Variants in NECTIN1 observed in about 807,000 individuals in gnomAD.
NECTIN1 encodes the protein nectin cell adhesion molecule 1, also known as nectin-1.
In NECTIN1, 23 loss-of-function variants were observed where a neutral mutation model predicts 48.0. That is an observed-to-expected ratio of 0.48 (90% CI 0.34 to 0.68). The LOEUF (loss-of-function observed/expected upper bound fraction) is 0.68, where lower values mean the gene tolerates loss of function less well. NECTIN1 is among the 30% of genes least tolerant of loss of function. The probability of loss-of-function intolerance (pLI) is 0.01; values close to 1 mark genes in which losing one functional copy is unlikely to be tolerated. For synonymous variants in NECTIN1, 270 were observed against 288.9 expected (o/e 0.93, Z 0.66); for missense variants, 591 against 709.9 (o/e 0.83, Z 1.90).
downstream of NECTIN1, among the ~76,000 whole-genome samples, chr11:119,656,067 T>TC (rs997120234): frequency 5.9e-5 from 9 of 151,520 alleles, no homozygotes; most frequent in African/African-American, 2.2e-4. Flanking sequence ...GATAATTTTT[T>TC]CATTCTTTGT....
chr11:119,669,976 T>TTC (rs1186899474), intron 5 of NECTIN1, among the ~76,000 whole-genome samples: 2 of 152,022 alleles, frequency 1.3e-5, no homozygotes, highest in African/African-American at 4.8e-5. Context: ...TTTTTTTTTT[T>TTC]TGAGACGGAG....
rs144913704 is a variant in NECTIN1, at chr11:119,638,779, C to T, written c.1179G>A (p.Pro393=). Residue 393 remains proline, a synonymous_variant, in exon 7 of 8, where the codon CCG becomes CCA. Transcript: ENST00000341398. ...AGCTTTGCCTGCTGGGAGAAGGCTC[C>T]GGCTTCTGGGAGAGGGGCTGGTCGG... 1.5e-3 allele frequency: 2,489 copies of T among 1,613,966 alleles called. 3 individuals are homozygous for T. The highest frequency in any genetic ancestry group is 1.4e-3 in the Non-Finnish European group (1,709 of 1,179,968).
chr11:119,677,936 C>A lies in NECTIN1; in HGVS notation c.431-79G>T. 1 of 1,441,952 alleles carries A rather than the reference C, an allele frequency of 6.9e-7. No individual in the cohort carries two copies. Among genetic ancestry groups the A allele is most frequent in the South Asian group, 1.2e-5 (1 of 85,558 alleles). The allele number at this position is 1,441,952 out of a possible 1,614,324, so 89.3% of individuals were successfully genotyped here. A position where few individuals can be genotyped will look rare whatever the true frequency, so the allele number is the denominator to read the frequency against. On this transcript the variant is annotated intron_variant, in intron 2 of 5. Transcript: ENST00000264025. The surrounding 1 kb of genome is among the most constrained non-coding windows in gnomAD (Gnocchi z 5.4). Reference sequence around the variant, plus strand: ...GCACCGGCCAAAAGGGCGTGGCATCCGTCAGGCCTTGTCTTCAGGTCCCCT... The same window carrying A: ...GCACCGGCCAAAAGGGCGTGGCATCAGTCAGGCCTTGTCTTCAGGTCCCCT...
chr11:119,702,449 A>C (rs1465674427), intron 1 of NECTIN1, among the ~76,000 whole-genome samples: 1 of 152,244 alleles, frequency 6.6e-6, no homozygotes, highest in Non-Finnish European at 1.5e-5. Context: ...GCTGTGGCTG[A>C]GGCCATCTGT....
At position 119,683,204 on chromosome 11, in the gene NECTIN1, A is replaced by G. The variant is rs539949380; in HGVS notation, c.80-4439T>C. On this transcript the variant is annotated intron_variant, in intron 1 of 5. Coordinates refer to ENST00000264025, the MANE Select transcript of NECTIN1 (RefSeq NM_002855.5). This position sits in a 1 kb window ranked among gnomAD's most constrained non-coding sequence, Gnocchi z 4.0. ...TTTCCCGCAGGTTCCCTCTTACATG[A>G]GAAGCAGAGGCTGGCCCAGATGTGG... 4.3e-4 allele frequency among the ~76,000 whole-genome samples: 65 copies of G among 152,320 alleles called. No homozygotes were observed. Among genetic ancestry groups the G allele is most frequent in the African/African-American group, 1.5e-3 (63 of 41,568 alleles).
In NECTIN1 at chr11:119,677,341, T is replaced by A; in HGVS notation, c.734-122A>T. 1 of 1,030,122 alleles carries A rather than the reference T, an allele frequency of 9.7e-7. No individual in the cohort carries two copies. Among genetic ancestry groups the A allele is most frequent in the Admixed American group, 1.7e-5 (1 of 57,180 alleles). 63.8% of individuals were successfully genotyped at this position (1,030,122 alleles called of 1,614,324 possible). A position where few individuals can be genotyped will look rare whatever the true frequency, so the allele number is the denominator to read the frequency against. ...TGGAAACAGCCAGGAGAGAGGGAAG[T>A]GTGGGTGGGAGGGTGGCAATCACAG... On this transcript the variant is annotated intron_variant, in intron 3 of 5. Coordinates refer to ENST00000264025, the MANE Select transcript of NECTIN1 (RefSeq NM_002855.5). The surrounding 1 kb of genome is among the most constrained non-coding windows in gnomAD (Gnocchi z 5.4).
intron 1 of NECTIN1, among the ~76,000 whole-genome samples, chr11:119,721,324 A>C (rs2134345410): frequency 6.6e-6 from 1 of 152,282 alleles, no homozygotes; most frequent in East Asian, 1.9e-4. Flanking sequence ...TTGGGAAGCA[A>C]GAATTCCAGG....
At chr11:119,648,243 G>A (rs193287131) in intron 5 of NECTIN1, among the ~76,000 whole-genome samples, 3 of 111,892 alleles carry the variant, frequency 2.7e-5, no homozygotes, top group South Asian at 3.2e-4. Flanking sequence ...TGGTGATAGT[G>A]GTGGTGATAG....
rs960162226 is a variant in NECTIN1 at position 119,718,593 on chromosome 11, G to C, written c.79+9882C>G. Among the ~76,000 whole-genome samples the C allele has an allele frequency of 2.6e-5, 4 of 152,196 alleles. No individual in the cohort carries two copies. The East Asian group carries it at 5.8e-4, about 22-fold the overall frequency. The stretch of plus-strand genomic sequence containing the variant: ...AGCCCTGGATCCACCCAGGATCTGG[G>C]GCTGGCCTGGGAACACGCGCTGGGG... On this transcript the variant is annotated intron_variant, in intron 1 of 5. Transcript: ENST00000264025.
At chr11:119,721,841 T>C (rs1284323548) in intron 1 of NECTIN1, among the ~76,000 whole-genome samples, 5 of 152,224 alleles carry the variant, frequency 3.3e-5, no homozygotes, top group Non-Finnish European at 7.3e-5. Flanking sequence ...AACGTTCCAT[T>C]GTTAGGCATC....
rs780768872 is a variant in NECTIN1 at position 119,677,088 on chromosome 11, C to T, written c.851+14G>A. ...CTGTCTTCCAAGGTGACTGGTCAGCCCTGCAGCACTTACGTGGTCCAGTGG... is the reference window on the plus strand; with the variant it reads ...CTGTCTTCCAAGGTGACTGGTCAGCTCTGCAGCACTTACGTGGTCCAGTGG... On this transcript the variant is annotated intron_variant, in intron 4 of 5. Transcript: ENST00000264025. This position sits in a 1 kb window ranked among gnomAD's most constrained non-coding sequence, Gnocchi z 5.4. 1 of 1,610,156 alleles carries T rather than the reference C, an allele frequency of 6.2e-7. No homozygotes were observed. The highest frequency in any genetic ancestry group is 1.1e-5 in the South Asian group (1 of 91,006).
rs563608240 is a variant in NECTIN1, at chr11:119,715,620, T to C, written c.79+12855A>G. Among the ~76,000 whole-genome samples, 6 of 152,254 alleles carry C rather than the reference T, an allele frequency of 3.9e-5. No individual in the cohort carries two copies. In the South Asian group the frequency reaches 1.2e-3, roughly 32 times the overall value. On this transcript the variant is annotated intron_variant, in intron 1 of 5. Coordinates refer to ENST00000264025, the MANE Select transcript of NECTIN1 (RefSeq NM_002855.5). ...ATCTACCCGCCTCGGCCTCCCAAAG[T>C]GCTAGGACTATAGGTATGAGCCACT... is the stretch of plus-strand genomic sequence containing the variant.
chr11:119,648,265 G>GTGGTGGTGATGC (rs1565376369), intron 5 of NECTIN1, among the ~76,000 whole-genome samples: 3 of 28,710 alleles, frequency 1.0e-4, no homozygotes, highest in East Asian at 1.4e-3. Flanking sequence ...GGTGGTAATA[G>GTGGTGGTGATGC]TGGTGGTGGT....
chr11:119,688,318 G>A lies in NECTIN1; in HGVS notation c.80-9553C>T, dbSNP rs75698984. Among the ~76,000 whole-genome samples, 25 of 152,228 alleles carry A rather than the reference G, an allele frequency of 1.6e-4. No individual in the cohort carries two copies. In the East Asian group the frequency reaches 4.8e-3, roughly 29 times the overall value. The stretch of plus-strand genomic sequence containing the variant: ...GAGAAAGAACCTACCTAGAAATCAC[G>A]TGCTCTGGTTCCCTGATTCCCATCC... On this transcript the variant is annotated intron_variant, in intron 1 of 5. Coordinates refer to ENST00000264025, the MANE Select transcript of NECTIN1 (RefSeq NM_002855.5).
intron 1 of NECTIN1, among the ~76,000 whole-genome samples, chr11:119,724,593 G>A (rs1209374218): frequency 6.6e-6 from 1 of 152,178 alleles, no homozygotes; most frequent in African/African-American, 2.4e-5. Flanking sequence ...TCTCAAGTCT[G>A]GACCACTCAC....
intron 1 of NECTIN1, among the ~76,000 whole-genome samples, chr11:119,697,741 T>A (rs1345987134): frequency 6.6e-6 from 1 of 152,252 alleles, no homozygotes; most frequent in East Asian, 1.9e-4. Flanking sequence ...TGTGGTCCAC[T>A]GTGCTCCCTT....
intron 1 of NECTIN1, among the ~76,000 whole-genome samples, chr11:119,682,879 T>C (rs992891785): frequency 1.3e-5 from 2 of 152,180 alleles, no homozygotes; most frequent in African/African-American, 4.8e-5. Flanking sequence ...GGCGCCCCTC[T>C]TCCAGGACGC....
Position 119,672,976 on chromosome 11 carries a change from AT to A in NECTIN1, c.1003+2182del, listed in dbSNP as rs912562946. ...TTCTGCCCTGCCCCAGTCACTCCTC[AT>A]TTCCCTTTCCAGATGTGCCCAGGGT... On this transcript the variant is annotated intron_variant, in intron 5 of 5. Transcript: ENST00000264025. The surrounding 1 kb of genome is among the most constrained non-coding windows in gnomAD (Gnocchi z 4.3). Among the ~76,000 whole-genome samples, 6 of 152,070 alleles carry A rather than the reference AT, an allele frequency of 3.9e-5. No individual in the cohort carries two copies. The highest frequency in any genetic ancestry group is 8.8e-5 in the Non-Finnish European group (6 of 68,014).
At chr11:119,685,295 C>G (rs1168108418) in intron 1 of NECTIN1, among the ~76,000 whole-genome samples, 1 of 152,266 alleles carries the variant, frequency 6.6e-6, no homozygotes, top group African/African-American at 2.4e-5. Flanking sequence ...CCCAACTCCC[C>G]ACATGGAGCT....
Sources: gnomAD v4.1 joint callset for allele counts (sites outside exome capture counted in the v4.1 genomes callset) on GRCh38, gnomAD v4.1.1 for gene constraint, Gnocchi (gnomAD v3.1) non-coding constraint, MANE v1.5 for transcripts, NCBI Gene and HGNC (gene_info 2026-07-23, HGNC 2026-07-21) for gene names.